The following EBAG9 variants were observed in gnomAD, a reference collection of about 807,000 sequenced individuals.
EBAG9 encodes the protein estrogen receptor binding site associated antigen 9.
Under a neutral mutation model 30.9 loss-of-function variants are expected in EBAG9, and 16 were observed. The ratio of observed to expected loss-of-function variants is 0.52; its 90% CI spans 0.35 to 0.79. The LOEUF is 0.79. EBAG9 is among the 30% of genes least tolerant of loss of function. The pLI, the probability that EBAG9 is intolerant of heterozygous loss-of-function variation, is 0.01. For synonymous variants in EBAG9, 93 were observed against 82.8 expected (o/e 1.12, Z -0.67); for missense variants, 197 against 242.1 (o/e 0.81, Z 1.24).
chr8:109,543,135 C>CTTT (rs557388998), intron 1 of EBAG9, among the ~76,000 whole-genome samples: 2,532 of 52,352 alleles, frequency 0.048, 374 homozygotes, highest in South Asian at 0.1. Flanking sequence ...TATTCTGGTT[C>CTTT]TTTTTTTTTT....
intron 1 of EBAG9, among the ~76,000 whole-genome samples, chr8:109,545,030 A>G (rs1821354639): frequency 6.6e-6 from 1 of 152,170 alleles, no homozygotes. Flanking sequence ...ACCATGTTTA[A>G]AAAGGATACA....
intron 4 of EBAG9, among the ~76,000 whole-genome samples, chr8:109,556,732 A>G (rs1050916948): frequency 2.0e-5 from 3 of 152,176 alleles, no homozygotes; most frequent in Non-Finnish European, 4.4e-5. Flanking sequence ...AATTTTTAAA[A>G]GTGAAATACA....
intron 1 of EBAG9, among the ~76,000 whole-genome samples, chr8:109,542,809 A>G (rs902101314): frequency 6.6e-6 from 1 of 152,206 alleles, no homozygotes; most frequent in African/African-American, 2.4e-5. Flanking sequence ...GAAGGGTTGT[A>G]CAGGGCAAAG....
chr8:109,559,655 G>A (rs1407552260), intron 5 of EBAG9, among the ~76,000 whole-genome samples: 2 of 151,830 alleles, frequency 1.3e-5, no homozygotes, highest in Admixed American at 1.3e-4. Flanking sequence ...CTAAAAAAAT[G>A]TAAAAAACAA....
At chr8:109,559,033 TAAA>T (rs34410229) in intron 5 of EBAG9, among the ~76,000 whole-genome samples, 3 of 151,860 alleles carry the variant, frequency 2.0e-5, no homozygotes, top group Non-Finnish European at 4.4e-5. Flanking sequence ...TTTTACTTTT[TAAA>T]AAAAATCTAA....
chr8:109,557,689 A>G (rs1048917516), intron 5 of EBAG9: 1 of 456,100 alleles, frequency 2.2e-6, no homozygotes, highest in Non-Finnish European at 4.4e-6. Context: ...CCAGGTGACT[A>G]AACTGGGTGG....
intron 6 of EBAG9, among the ~76,000 whole-genome samples, chr8:109,562,434 G>A (rs552460133): frequency 3.5e-4 from 53 of 152,138 alleles, no homozygotes; most frequent in Non-Finnish European, 6.9e-4. Context: ...CATAGGTAGA[G>A]CCAAAGAGAA....
At chr8:109,549,475 G>A (rs73700648) in intron 1 of EBAG9, among the ~76,000 whole-genome samples, 170 of 152,072 alleles carry the variant, frequency 1.1e-3, no homozygotes, top group Admixed American at 3.4e-3. Context: ...TCCTTCCTAA[G>A]TGTTTTGTAG....
At chr8:109,556,437 C>G (rs1473823414) in intron 4 of EBAG9, among the ~76,000 whole-genome samples, 1 of 152,078 alleles carries the variant, frequency 6.6e-6, no homozygotes, top group African/African-American at 2.4e-5. Flanking sequence ...TGGAAGTATA[C>G]TGCTGCTCTC....
intron 1 of EBAG9, among the ~76,000 whole-genome samples, chr8:109,546,616 A>G (rs190376221): frequency 4.7e-4 from 71 of 152,318 alleles, no homozygotes; most frequent in African/African-American, 1.7e-3. Flanking sequence ...TTCTTAAAAC[A>G]TTATGAGATT....
In EBAG9 at chr8:109,554,766, C is replaced by T; in HGVS notation, c.200C>T (p.Ala67Val). ...VEEWTSWDED[A>V]PTSVKIEGGN... ...GAGTGGACTTCCTGGGATGAAGATGCACCCACCAGTGTAAAGATCGAAGGA... is the reference window on the plus strand; with the variant it reads ...GAGTGGACTTCCTGGGATGAAGATGTACCCACCAGTGTAAAGATCGAAGGA... Residue 67 changes from alanine to valine, a missense_variant, in exon 4 of 7, where the codon GCA (alanine) becomes GTA (valine). Physicochemically the swap from Ala to Val is moderately conservative, Grantham distance 64. Transcript: ENST00000337573. 6.2e-7 allele frequency: 1 copy of T among 1,613,544 alleles called. No individual in the cohort carries two copies. The highest frequency in any genetic ancestry group is 2.2e-5 in the East Asian group (1 of 44,850).
At position 109,559,972 on chromosome 8, in the gene EBAG9, A is replaced by G. The variant is rs1563657625; in HGVS notation, c.430-866A>G. 2.7e-5 allele frequency among the ~76,000 whole-genome samples: 4 copies of G among 149,096 alleles called. No homozygotes were observed. In the South Asian group the frequency reaches 9.2e-4, roughly 34 times the overall value. ...TTAAATAATTAGAAATATTTTAAGA[A>G]TTTTTAACAGAGTATGGTATTACAT... On this transcript the variant is annotated intron_variant, in intron 5 of 6. Transcript: ENST00000337573.
At chr8:109,556,167 C>CAT (rs753192209) in intron 4 of EBAG9, among the ~76,000 whole-genome samples, 17 of 151,532 alleles carry the variant, frequency 1.1e-4, no homozygotes, top group South Asian at 4.2e-4. Context: ...ATATTTTTAT[C>CAT]ATATATATAT....
chr8:109,547,000 C>G (rs1334180239), intron 1 of EBAG9, among the ~76,000 whole-genome samples: 2 of 152,054 alleles, frequency 1.3e-5, no homozygotes, highest in African/African-American at 2.4e-5. Context: ...AGCTGCAATT[C>G]AAATACAAGT....
At chr8:109,544,278 A>G (rs1041035689) in intron 1 of EBAG9, among the ~76,000 whole-genome samples, 1 of 152,134 alleles carries the variant, frequency 6.6e-6, no homozygotes, top group Non-Finnish European at 1.5e-5. Context: ...CTGAAGTCCA[A>G]ATATACTGCT....
At chr8:109,561,198 G>A (rs1821704129) in intron 6 of EBAG9, among the ~76,000 whole-genome samples, 1 of 149,702 alleles carries the variant, frequency 6.7e-6, no homozygotes, top group Non-Finnish European at 1.5e-5. Context: ...GTATATAAAA[G>A]GTTTTATATA....
intron 1 of EBAG9, among the ~76,000 whole-genome samples, chr8:109,541,103 A>G: frequency 6.6e-6 from 1 of 151,926 alleles, no homozygotes; most frequent in Non-Finnish European, 1.5e-5. Context: ...TAGAGTTGTC[A>G]TTTCTTCAAA....
At chr8:109,541,142 A>C (rs1169149357) in intron 1 of EBAG9, among the ~76,000 whole-genome samples, 4 of 152,106 alleles carry the variant, frequency 2.6e-5, no homozygotes, top group African/African-American at 9.7e-5. Flanking sequence ...ATTGCCTCAT[A>C]GTTTTGAATC....
chr8:109,556,945 A>T lies in EBAG9; in HGVS notation c.332A>T (p.Lys111Met). The change falls in exon 5 of 7, where the codon AAG becomes ATG. Residue 111 changes from lysine (K) to methionine (M), a missense_variant. Transcript: ENST00000337573. ...CAATTAATCTTTCAGATTGTTATTAAGAAGAGAGAACCATTGAATTTTGGC... is the reference window on the plus strand; with the variant it reads ...CAATTAATCTTTCAGATTGTTATTATGAAGAGAGAACCATTGAATTTTGGC... ...TIRKTQKIVI[K>M]KREPLNFGIP... 6.3e-7 allele frequency: 1 copy of T among 1,583,824 alleles called. No individual in the cohort carries two copies.
Sources: gnomAD v4.1 joint callset for allele counts (sites outside exome capture counted in the v4.1 genomes callset) on GRCh38, gnomAD v4.1.1 for gene constraint, MANE v1.5 for transcripts, NCBI Gene and HGNC (gene_info 2026-07-23, HGNC 2026-07-21) for gene names.